Variants in NR2F1-AS1 observed in about 807,000 individuals in gnomAD.
NR2F1-AS1 encodes NR2F1 regulatory antisense RNA 1, also known as NR2F1 antisense RNA 1.
chr5:93,542,027 A>G (rs919582019), intron 4 of NR2F1-AS1: 1 of 150,920 alleles, frequency 6.6e-6, no homozygotes, highest in African/African-American at 2.4e-5. Flanking sequence ...TTCTGTCTTT[A>G]TTTAAAGTTT....
intron 4 of NR2F1-AS1, among the ~76,000 whole-genome samples, chr5:93,459,018 G>GA (rs999818726): frequency 1.5e-4 from 22 of 148,154 alleles, no homozygotes; most frequent in South Asian, 1.3e-3. Flanking sequence ...TCTCAAAAAA[G>GA]AAAAAAAAAG....
At chr5:93,424,320 TATA>T (rs1749152405) in intron 4 of NR2F1-AS1, among the ~76,000 whole-genome samples, 1 of 150,874 alleles carries the variant, frequency 6.6e-6, no homozygotes, top group Admixed American at 6.6e-5. Flanking sequence ...TTCTAATATA[TATA>T]ATTTTATAAT....
intron 4 of NR2F1-AS1, among the ~76,000 whole-genome samples, chr5:93,512,090 G>A (rs1751310174): frequency 6.6e-6 from 1 of 152,130 alleles, no homozygotes; most frequent in African/African-American, 2.4e-5. Flanking sequence ...AAGTCCTTCA[G>A]GAGATATTCC....
intron 4 of NR2F1-AS1, among the ~76,000 whole-genome samples, chr5:93,431,287 T>C (rs894590393): frequency 1.3e-5 from 2 of 150,720 alleles, no homozygotes; most frequent in Non-Finnish European, 3.0e-5. Context: ...ACTGAGATGA[T>C]GGTGGGGGGG....
intron 4 of NR2F1-AS1, among the ~76,000 whole-genome samples, chr5:93,499,879 T>A (rs149457007): frequency 1.1e-4 from 17 of 152,208 alleles, no homozygotes; most frequent in African/African-American, 3.6e-4. Flanking sequence ...GGATAGAAGA[T>A]CAAACCAGCT....
At chr5:93,465,499 T>C (rs912661421) in intron 4 of NR2F1-AS1, among the ~76,000 whole-genome samples, 6 of 152,194 alleles carry the variant, frequency 3.9e-5, no homozygotes, top group South Asian at 4.1e-4. Context: ...AGTTCAACTA[T>C]TGTGGAAGAC....
At chr5:93,461,841 C>A (rs867489671) in intron 4 of NR2F1-AS1, among the ~76,000 whole-genome samples, 3 of 152,242 alleles carry the variant, frequency 2.0e-5, no homozygotes, top group Middle Eastern at 6.8e-3. Context: ...TTTTACTAGA[C>A]AAGCTGAGTT....
chr5:93,557,409 T>TTCCAGA (rs1752382352), intron 2 of NR2F1-AS1, among the ~76,000 whole-genome samples: 1 of 152,212 alleles, frequency 6.6e-6, no homozygotes. Context: ...CCAAGTTTAA[T>TTCCAGA]TCCAGATCAC....
At chr5:93,493,658 C>T (rs1750898839) in intron 4 of NR2F1-AS1, among the ~76,000 whole-genome samples, 1 of 151,906 alleles carries the variant, frequency 6.6e-6, no homozygotes, top group Non-Finnish European at 1.5e-5. Flanking sequence ...ATATATAGAA[C>T]AACAGAATAA....
chr5:93,576,782 A>AT (rs1400397763), intron 1 of NR2F1-AS1, among the ~76,000 whole-genome samples: 1 of 152,222 alleles, frequency 6.6e-6, no homozygotes, highest in Non-Finnish European at 1.5e-5. Flanking sequence ...ACAGGTAACT[A>AT]TTAAGGGAAA....
intron 1 of NR2F1-AS1, among the ~76,000 whole-genome samples, chr5:93,568,180 TATAA>T (rs1752660167): frequency 6.6e-6 from 1 of 152,242 alleles, no homozygotes; most frequent in African/African-American, 2.4e-5. Context: ...CAAGTCAGAT[TATAA>T]ATAAATGACT....
At chr5:93,450,820 C>T (rs1749810499) in intron 4 of NR2F1-AS1, among the ~76,000 whole-genome samples, 1 of 144,164 alleles carries the variant, frequency 6.9e-6, no homozygotes, top group South Asian at 2.4e-4. Context: ...CCCAGTACTT[C>T]GGGAGGGATC....
chr5:93,546,573 C>T (rs1561493831), intron 4 of NR2F1-AS1, among the ~76,000 whole-genome samples: 1 of 152,114 alleles, frequency 6.6e-6, no homozygotes, highest in Non-Finnish European at 1.5e-5. Context: ...AGTGCTTTTG[C>T]ATGTCATTTT....
At chr5:93,525,636 C>T (rs116397785) in intron 4 of NR2F1-AS1, among the ~76,000 whole-genome samples, 206 of 152,244 alleles carry the variant, frequency 1.4e-3, no homozygotes, top group Non-Finnish European at 1.7e-3. Context: ...TGCAAAAGAA[C>T]AGAAAACATA....
chr5:93,507,858 A>C (rs1444480377), intron 4 of NR2F1-AS1, among the ~76,000 whole-genome samples: 1 of 152,164 alleles, frequency 6.6e-6, no homozygotes, highest in Non-Finnish European at 1.5e-5. Flanking sequence ...TAAATATAAT[A>C]AAACATCTCA....
chr5:93,495,450 A>G (rs572917874), intron 4 of NR2F1-AS1, among the ~76,000 whole-genome samples: 2 of 152,290 alleles, frequency 1.3e-5, no homozygotes, highest in East Asian at 3.9e-4. Context: ...GCAAATAGAG[A>G]GAGAACCTCT....
chr5:93,584,065 C>T (rs1388054275), upstream of NR2F1-AS1: 1 of 151,890 alleles, frequency 6.6e-6, no homozygotes, highest in East Asian at 1.9e-4. Context: ...CCGACACCCG[C>T]GCGCCCTGAT....
intron 4 of NR2F1-AS1, among the ~76,000 whole-genome samples, chr5:93,427,553 G>T (rs1749220828): frequency 6.6e-6 from 1 of 152,102 alleles, no homozygotes; most frequent in South Asian, 2.1e-4. Context: ...CCAAGATTCT[G>T]TTTTCTGTAT....
rs571809267 is a variant in NR2F1-AS1, at chr5:93,464,649, G to A, written n.639-69107C>T. On this transcript the variant is annotated intron_variant and non_coding_transcript_variant, in intron 4 of 5. Transcript: ENST00000660523. ...TAGGAATATTCAGATAACTAATCAA[G>A]TACTTGAAGTAGCTATGGCCCAATA... is the stretch of plus-strand genomic sequence containing the variant. Among the ~76,000 whole-genome samples, 18 of 152,302 alleles carry A rather than the reference G, an allele frequency of 1.2e-4. No individual in the cohort carries two copies. In the South Asian group the frequency reaches 3.5e-3, roughly 30 times the overall value.
Sources: gnomAD v4.1 joint callset for allele counts (sites outside exome capture counted in the v4.1 genomes callset) on GRCh38, gnomAD v4.1.1 for gene constraint, MANE v1.5 for transcripts, NCBI Gene and HGNC (gene_info 2026-07-23, HGNC 2026-07-21) for gene names.